PRR16: variants seen among roughly 807,000 people sequenced by gnomAD.
PRR16 encodes protein Largen.
PRR16 carries 6 observed loss-of-function variants against 18.2 expected under a neutral mutation model. The observed-to-expected ratio is 0.33, with a 90% confidence interval of 0.18 to 0.65. The LOEUF is 0.65. Among genes scored for constraint, PRR16 ranks in the 30% least tolerant of loss-of-function variants. The pLI is 0.74. For missense variants in PRR16, 412 were observed against 376.6 expected (o/e 1.09, Z -0.78); for synonymous variants, 151 against 147.8 (o/e 1.02, Z -0.16).
chr5:120,579,384 G>T (rs949692015), intron 1 of PRR16, among the ~76,000 whole-genome samples: 15 of 152,048 alleles, frequency 9.9e-5, no homozygotes, highest in African/African-American at 3.6e-4. Flanking sequence ...TATAGTTTTG[G>T]GTTATACATT....
At chr5:120,591,225 G>T (rs1478675756) in intron 1 of PRR16, among the ~76,000 whole-genome samples, 1 of 152,012 alleles carries the variant, frequency 6.6e-6, no homozygotes, top group East Asian at 1.9e-4. Context: ...GTTGCAGTGA[G>T]CCGAGATCGT....
chr5:120,734,552 A>ATT, the PRR16 span, among the ~76,000 whole-genome samples: 3 of 152,094 alleles, frequency 2.0e-5, no homozygotes, highest in Non-Finnish European at 2.9e-5. Flanking sequence ...CTGGGATTTT[A>ATT]TTTTTTTGAA....
At chr5:120,782,597 A>AAGGT in the PRR16 span, among the ~76,000 whole-genome samples, 3 of 151,992 alleles carry the variant, frequency 2.0e-5, no homozygotes, top group African/African-American at 7.2e-5. Flanking sequence ...CATAAGTTAC[A>AAGGT]AGGTAGGGCT....
At chr5:120,516,724 G>T (rs1210078758) in intron 1 of PRR16, among the ~76,000 whole-genome samples, 1 of 152,060 alleles carries the variant, frequency 6.6e-6, no homozygotes, top group Non-Finnish European at 1.5e-5. Context: ...AAACTACTTG[G>T]TATGTTGCCA....
chr5:120,547,563 T>C (rs543287911), intron 1 of PRR16, among the ~76,000 whole-genome samples: 3 of 152,100 alleles, frequency 2.0e-5, no homozygotes, highest in South Asian at 4.2e-4. Context: ...ATTTTCATTT[T>C]TTTTTTTTAC....
chr5:120,506,409 G>T (rs17146688), intron 1 of PRR16, among the ~76,000 whole-genome samples: 11,194 of 152,094 alleles, frequency 0.074, 960 homozygotes, highest in African/African-American at 0.21. Context: ...GATATGGCCT[G>T]ATGTACAATG....
intron 1 of PRR16, among the ~76,000 whole-genome samples, chr5:120,547,739 T>A (rs1752118709): frequency 6.6e-6 from 1 of 152,076 alleles, no homozygotes; most frequent in African/African-American, 2.4e-5. Flanking sequence ...CAGCAAGTCC[T>A]TTCATACTGT....
At chr5:120,619,022 G>T (rs1754603007) in intron 1 of PRR16, among the ~76,000 whole-genome samples, 1 of 152,100 alleles carries the variant, frequency 6.6e-6, no homozygotes, top group Non-Finnish European at 1.5e-5. Flanking sequence ...AGTCTTGATG[G>T]TCTATAAACA....
chr5:120,674,902 CATTT>C (rs1190384614), intron 1 of PRR16, among the ~76,000 whole-genome samples: 1 of 151,380 alleles, frequency 6.6e-6, no homozygotes, highest in African/African-American at 2.4e-5. Flanking sequence ...TAAAATTTAA[CATTT>C]GTTTTATATT....
the PRR16 span, among the ~76,000 whole-genome samples, chr5:120,722,481 T>A: frequency 6.6e-6 from 1 of 151,980 alleles, no homozygotes; most frequent in Non-Finnish European, 1.5e-5. Context: ...AAGGTCCAGG[T>A]TTTGTAGAAA....
chr5:120,535,694 G>T (rs2112673805), intron 1 of PRR16, among the ~76,000 whole-genome samples: 1 of 152,228 alleles, frequency 6.6e-6, no homozygotes, highest in Non-Finnish European at 1.5e-5. Flanking sequence ...CAGCTATTTG[G>T]GAGGCTGAAG....
the PRR16 span, among the ~76,000 whole-genome samples, chr5:120,775,794 CTATTTT>C: frequency 0.026 from 3,139 of 122,164 alleles, 91 homozygotes; most frequent in African/African-American, 0.083. Flanking sequence ...CTACGCCTGG[CTATTTT>C]TTTTTTTTTT....
In PRR16 at chr5:120,488,131, C is replaced by T. The variant is rs191353656; in HGVS notation, c.159+23486C>T. Among the ~76,000 whole-genome samples, 58 of 152,090 alleles carry T rather than the reference C, an allele frequency of 3.8e-4. 1 individual carries two copies. The highest frequency in any genetic ancestry group is 1.6e-3 in the Admixed American group (25 of 15,242). On this transcript the variant is annotated intron_variant, in intron 1 of 1. Coordinates refer to ENST00000407149, the MANE Select transcript of PRR16 (RefSeq NM_001300783.2). The stretch of plus-strand genomic sequence containing the variant: ...TCTCTTTTTTTGTTATGTCTCTGCC[C>T]GGCTTTGGTATCAGGATGATGCTGG...
intron 1 of PRR16, among the ~76,000 whole-genome samples, chr5:120,614,871 T>C (rs1454179229): frequency 1.3e-5 from 2 of 152,146 alleles, no homozygotes; most frequent in African/African-American, 4.8e-5. Context: ...GAGGAACATA[T>C]AGGCACCAGC....
intron 1 of PRR16, among the ~76,000 whole-genome samples, chr5:120,473,987 G>T (rs1202159692): frequency 1.3e-5 from 2 of 152,154 alleles, no homozygotes; most frequent in African/African-American, 4.8e-5. Context: ...AAATCTAGGG[G>T]AGCATTTTCC....
At chr5:120,494,581 C>T (rs574419685) in intron 1 of PRR16, among the ~76,000 whole-genome samples, 7 of 152,106 alleles carry the variant, frequency 4.6e-5, no homozygotes, top group African/African-American at 9.6e-5. Flanking sequence ...TCCCTCTTCA[C>T]GAGGTCTTTC....
chr5:120,568,153 G>A (rs879567598), intron 1 of PRR16, among the ~76,000 whole-genome samples: 26 of 152,242 alleles, frequency 1.7e-4, no homozygotes, highest in South Asian at 4.1e-4. Context: ...TGGAGAACCC[G>A]GAAAAACGGA....
the PRR16 span, among the ~76,000 whole-genome samples, chr5:120,767,038 T>G: frequency 6.6e-6 from 1 of 151,944 alleles, no homozygotes; most frequent in Admixed American, 6.6e-5. Context: ...AACAAGAATG[T>G]TTATGTATCC....
At chr5:120,480,671 G>A (rs1275658947) in intron 1 of PRR16, among the ~76,000 whole-genome samples, 1 of 152,146 alleles carries the variant, frequency 6.6e-6, no homozygotes, top group Non-Finnish European at 1.5e-5. Context: ...TGAAGAAAGA[G>A]AGTTAATGAA....
Sources: allele counts gnomAD v4.1 joint callset (sites outside exome capture counted in the v4.1 genomes callset), GRCh38; gene constraint gnomAD v4.1.1; transcripts MANE v1.5; gene names NCBI Gene and HGNC (gene_info 2026-07-23, HGNC 2026-07-21).